Variants in RFTN1 observed in about 807,000 individuals in gnomAD.
RFTN1 encodes raftlin, lipid raft linker 1.
A neutral mutation model predicts 46.5 loss-of-function variants in RFTN1; 26 were observed. The ratio of observed to expected loss-of-function variants is 0.56; its 90% CI spans 0.41 to 0.78. RFTN1 has a LOEUF of 0.78. Ranked by LOEUF, RFTN1 falls within the 30% of genes least tolerant of loss-of-function variation. The pLI is 0.00. For missense variants in RFTN1, 693 were observed against 718.7 expected, an observed-to-expected ratio of 0.96 and a Z score of 0.41; for synonymous variants, 261 against 284.2, an observed-to-expected ratio of 0.92 and a Z score of 0.82.
chr3:16,449,232 A>G lies in RFTN1; in HGVS notation c.146-15195T>C. On this transcript the variant is annotated intron_variant, in intron 2 of 9. Coordinates refer to ENST00000334133, the MANE Select transcript of RFTN1 (RefSeq NM_015150.2). The surrounding 1 kb of genome is among the most constrained non-coding windows in gnomAD (Gnocchi z 5.1). ...TATGCAGATCCTATTAGGCAAATAA[A>G]GAACAGAAATCTGGAATTGAATTAT... Among the ~76,000 whole-genome samples the G allele has an allele frequency of 6.6e-6, 1 of 152,228 alleles. No homozygotes were observed. Among genetic ancestry groups the G allele is most frequent in the Non-Finnish European group, 1.5e-5 (1 of 68,044 alleles).
intron 3 of RFTN1, among the ~76,000 whole-genome samples, chr3:16,432,335 T>A (rs192685181): frequency 6.7e-4 from 102 of 152,170 alleles, no homozygotes; most frequent in Admixed American, 2.7e-3. Context: ...CTAGGCAACA[T>A]GGCGAAACCC....
Position 16,370,177 on chromosome 3 carries a change from G to C in RFTN1, c.929C>G (p.Thr310Arg), listed in dbSNP as rs753880844. Residue 310 changes from threonine (T) to arginine (R), a missense_variant, in exon 6 of 10, where the codon ACA becomes AGA. Transcript: ENST00000334133. This position sits in a 1 kb window ranked among gnomAD's most constrained non-coding sequence, Gnocchi z 5.5. ...IPLHVSKNGQ[T>R]VSGLDANWLE... ...CCAGTTGGCGTCCAAACCGCTCACT[G>C]TCTGGCCATTCTTGGAGACATGGAG... 1.2e-6 allele frequency: 2 copies of C among 1,614,092 alleles called. No individual in the cohort carries two copies. The highest frequency in any genetic ancestry group is 1.3e-5 in the African/African-American group (1 of 74,934).
rs561261041 is a variant in RFTN1, at chr3:16,403,596, A to T, written c.441+5779T>A. The stretch of plus-strand genomic sequence containing the variant: ...CACATATATTATATTTTATATATAT[A>T]ATATATAATATATATATAATATATA... On this transcript the variant is annotated intron_variant, in intron 4 of 9. Transcript: ENST00000334133. Among the ~76,000 whole-genome samples the T allele has an allele frequency of 5.8e-3, 364 of 62,456 alleles. 22 individuals carry two copies. Among genetic ancestry groups the T allele is most frequent in the Non-Finnish European group, 7.3e-3 (264 of 36,160 alleles). The allele number at this position is 62,456 out of a possible 152,430, so 41.0% of individuals were successfully genotyped here.
At chr3:16,357,306 T>A (rs184379674) in intron 7 of RFTN1, among the ~76,000 whole-genome samples, 4 of 152,220 alleles carry the variant, frequency 2.6e-5, no homozygotes, top group Admixed American at 1.3e-4. Flanking sequence ...TGGAAGTAAA[T>A]TAGCTCCTCC....
chr3:16,373,474 T>C (rs1301117783), intron 5 of RFTN1, among the ~76,000 whole-genome samples: 1 of 151,420 alleles, frequency 6.6e-6, no homozygotes, highest in Non-Finnish European at 1.5e-5. Flanking sequence ...TACTAGGGAG[T>C]GGGGAGGAAA....
At chr3:16,357,193 T>C (rs1490159850) in intron 7 of RFTN1, among the ~76,000 whole-genome samples, 1 of 151,780 alleles carries the variant, frequency 6.6e-6, no homozygotes, top group Non-Finnish European at 1.5e-5. Flanking sequence ...TCCAAATAGC[T>C]TCTCCCTTTA....
rs1356160982 is a variant in RFTN1 at position 16,316,861 on chromosome 3, T to C, written c.1704A>G (p.Glu568=). Residue 568 remains glutamate, a synonymous_variant, in exon 10 of 10, where the codon GAA becomes GAG. Transcript: ENST00000334133. This position sits in a 1 kb window ranked among gnomAD's most constrained non-coding sequence, Gnocchi z 4.5. The part of the protein sequence containing the change: ...GEDARDGDAE[E]VRELGTVEEN ...CTTCAACCGTACCAAGCTCTCTGAC[T>C]TCCTCAGCATCCCCGTCCCTGGCAT... 1.2e-6 allele frequency: 2 copies of C among 1,614,046 alleles called. No individual in the cohort carries two copies. Among genetic ancestry groups the C allele is most frequent in the African/African-American group, 2.7e-5 (2 of 74,938 alleles).
At position 16,380,362 on chromosome 3, in the gene RFTN1, G is replaced by T. The variant is rs901692877; in HGVS notation, c.442-2260C>A. 7.9e-5 allele frequency among the ~76,000 whole-genome samples: 12 copies of T among 152,186 alleles called. No individual in the cohort carries two copies. Among genetic ancestry groups the T allele is most frequent in the African/African-American group, 2.9e-4 (12 of 41,442 alleles). The stretch of plus-strand genomic sequence containing the variant: ...TAACCTCTCTCCTTATCAGTCCTGG[G>T]CTTCTGCGGCCCTGCAGAGACTGCT... On this transcript the variant is annotated intron_variant, in intron 4 of 9. Coordinates refer to ENST00000334133, the MANE Select transcript of RFTN1 (RefSeq NM_015150.2). The surrounding 1 kb of genome is among the most constrained non-coding windows in gnomAD (Gnocchi z 4.8).
At chr3:16,396,418 G>T (rs2074470979) in intron 4 of RFTN1, among the ~76,000 whole-genome samples, 1 of 152,200 alleles carries the variant, frequency 6.6e-6, no homozygotes, top group South Asian at 2.1e-4. Flanking sequence ...GATCCAGACA[G>T]CACAGCAAAT....
intron 2 of RFTN1, among the ~76,000 whole-genome samples, chr3:16,490,791 A>G (rs1405349931): frequency 6.6e-6 from 1 of 152,258 alleles, no homozygotes; most frequent in African/African-American, 2.4e-5. Context: ...TGGTACACTG[A>G]GTGATTAAAT....
In RFTN1 at chr3:16,448,324, T is replaced by G. The variant is rs1306018256; in HGVS notation, c.146-14287A>C. Among the ~76,000 whole-genome samples the G allele has an allele frequency of 6.6e-6, 1 of 152,192 alleles. No homozygotes were observed. The highest frequency in any genetic ancestry group is 1.9e-4 in the East Asian group (1 of 5,200). On this transcript the variant is annotated intron_variant, in intron 2 of 9. Transcript: ENST00000334133. This position sits in a 1 kb window ranked among gnomAD's most constrained non-coding sequence, Gnocchi z 4.1. ...TATTGGACTGCTCTGTCCTAGAACC[T>G]TTTGTTTTAAACAGATGCATTTTCT...
At chr3:16,332,097 C>A (rs535163919) in intron 7 of RFTN1, among the ~76,000 whole-genome samples, 1 of 151,730 alleles carries the variant, frequency 6.6e-6, no homozygotes, top group African/African-American at 2.4e-5. Flanking sequence ...TGGTGTGGGT[C>A]TTTTTTACTC....
chr3:16,507,735 A>G lies in RFTN1; in HGVS notation c.-9+5707T>C, dbSNP rs768044741. On this transcript the variant is annotated intron_variant, in intron 1 of 9. Transcript: ENST00000334133. This position sits in a 1 kb window ranked among gnomAD's most constrained non-coding sequence, Gnocchi z 7.1. ...CATACACACATACACACAAACACAT[A>G]CACACATACATGCACACTCACATAC... Among the ~76,000 whole-genome samples, 39 of 151,822 alleles carry G rather than the reference A, an allele frequency of 2.6e-4. No homozygotes were observed. The highest frequency in any genetic ancestry group is 6.8e-3 in the Middle Eastern group (2 of 294).
At chr3:16,501,319 A>G (rs2076707171) in intron 1 of RFTN1, among the ~76,000 whole-genome samples, 1 of 152,246 alleles carries the variant, frequency 6.6e-6, no homozygotes, top group African/African-American at 2.4e-5. Context: ...GCCCATAAAA[A>G]GACTGGAAAA....
intron 8 of RFTN1, among the ~76,000 whole-genome samples, chr3:16,324,973 C>G (rs2069551873): frequency 6.6e-6 from 1 of 151,876 alleles, no homozygotes; most frequent in Non-Finnish European, 1.5e-5. Context: ...TCTCTATACC[C>G]TTGTCTTTTT....
rs1029104352 is a variant in RFTN1 at position 16,443,135 on chromosome 3, G to C, written c.146-9098C>G. On this transcript the variant is annotated intron_variant, in intron 2 of 9. Coordinates refer to ENST00000334133, the MANE Select transcript of RFTN1 (RefSeq NM_015150.2). The surrounding 1 kb of genome is among the most constrained non-coding windows in gnomAD (Gnocchi z 5.5). ...TAGGATATTTCTATTTTTAATTTTT[G>C]ATGAACCTCCATATTGTTTTCTATA... Among the ~76,000 whole-genome samples the C allele has an allele frequency of 2.6e-5, 4 of 152,114 alleles. No individual in the cohort carries two copies. Among genetic ancestry groups the C allele is most frequent in the Non-Finnish European group, 5.9e-5 (4 of 68,008 alleles).
chr3:16,445,483 T>TCTCTCTCACACACACACACA (rs1352210263), intron 2 of RFTN1, among the ~76,000 whole-genome samples: 1 of 126,776 alleles, frequency 7.9e-6, no homozygotes, highest in African/African-American at 3.1e-5. Flanking sequence ...TCTCTCTCTC[T>TCTCTCTCACACACACACACA]CACACACACA....
chr3:16,441,069 T>A (rs192021281), intron 2 of RFTN1, among the ~76,000 whole-genome samples: 114 of 152,266 alleles, frequency 7.5e-4, no homozygotes, highest in Non-Finnish European at 1.2e-3. Flanking sequence ...GGCACTGAGA[T>A]GAACAAAAAG....
rs1310781092 is a variant in RFTN1, at chr3:16,421,736, G to C, written c.332+12115C>G. On this transcript the variant is annotated intron_variant, in intron 3 of 9. Coordinates refer to ENST00000334133, the MANE Select transcript of RFTN1 (RefSeq NM_015150.2). This position sits in a 1 kb window ranked among gnomAD's most constrained non-coding sequence, Gnocchi z 4.6. ...AGTGTAGCCATTTCCACATGAGAGA[G>C]AGAAGGATTTTACATTTACATTACG... Among the ~76,000 whole-genome samples the C allele has an allele frequency of 6.6e-6, 1 of 152,164 alleles. No homozygotes were observed. The highest frequency in any genetic ancestry group is 1.5e-5 in the Non-Finnish European group (1 of 68,022).
Sources: gnomAD v4.1 joint callset for allele counts (sites outside exome capture counted in the v4.1 genomes callset) on GRCh38, gnomAD v4.1.1 for gene constraint, Gnocchi (gnomAD v3.1) non-coding constraint, MANE v1.5 for transcripts, NCBI Gene and HGNC (gene_info 2026-07-23, HGNC 2026-07-21) for gene names.